PRMT3: variants seen among roughly 807,000 people sequenced by gnomAD.
PRMT3 encodes the protein protein arginine N-methyltransferase 3.
PRMT3 carries 62 observed loss-of-function variants against 71.9 expected under a neutral mutation model. That is an observed-to-expected ratio of 0.86 (90% CI 0.70 to 1.07). PRMT3 has a LOEUF of 1.07. PRMT3 is among the 50% of genes least tolerant of loss of function. The pLI, the probability that PRMT3 is intolerant of heterozygous loss-of-function variation, is 0.00. For missense variants in PRMT3, 663 were observed against 643.0 expected (o/e 1.03, Z -0.34); for synonymous variants, 213 against 220.4 (o/e 0.97, Z 0.30).
In PRMT3 at chr11:20,388,001, G is replaced by GTT. The variant is rs754717133; in HGVS notation, c.29-17_29-16dup. 3.7e-6 allele frequency: 6 copies of GTT among 1,613,374 alleles called. No individual in the cohort carries two copies. Among genetic ancestry groups the GTT allele is most frequent in the South Asian group, 2.2e-5 (2 of 91,066 alleles). Reference sequence around the variant, plus strand: ...ACCGGTGTCCGAGGCCGATCTGATTGTTGTGTGTGTGTGTTAGGCGGCCGG... The same window carrying GTT: ...ACCGGTGTCCGAGGCCGATCTGATTGTTTTGTGTGTGTGTGTTAGGCGGCCGG... On this transcript the variant is annotated splice_polypyrimidine_tract_variant and intron_variant, in intron 1 of 15. Transcript: ENST00000331079.
At chr11:20,389,979 C>A (rs574184781) in intron 3 of PRMT3, among the ~76,000 whole-genome samples, 153 bp downstream of exon 3, 4 of 152,122 alleles carry the variant, frequency 2.6e-5, no homozygotes, top group African/African-American at 7.2e-5. Flanking sequence ...TGCTGAAACC[C>A]CACCTGTACT....
chr11:20,425,106 TA>T (rs35341753), intron 9 of PRMT3, among the ~76,000 whole-genome samples: 7,548 of 136,326 alleles, frequency 0.055, 248 homozygotes, highest in East Asian at 0.2. Context: ...ACCCTGTCTT[TA>T]AAAAAAAAAA....
intron 13 of PRMT3, among the ~76,000 whole-genome samples, chr11:20,476,469 C>T (rs940075844): frequency 3.9e-5 from 6 of 152,126 alleles, no homozygotes; most frequent in Non-Finnish European, 8.8e-5. Context: ...TTTAGAGATA[C>T]ACCAAGCGTG....
At chr11:20,425,979 T>G (rs1849536916) in intron 9 of PRMT3, among the ~76,000 whole-genome samples, 2 of 152,216 alleles carry the variant, frequency 1.3e-5, no homozygotes, top group Non-Finnish European at 2.9e-5. Context: ...GAATTGAGAA[T>G]TTATTAATCA....
chr11:20,392,305 A>C (rs974990313), intron 4 of PRMT3, 45 bp downstream of exon 4: 6 of 1,519,340 alleles, frequency 3.9e-6, no homozygotes, highest in Non-Finnish European at 5.4e-6. Flanking sequence ...AAATCAAAGA[A>C]ATGCTACAGT....
chr11:20,475,304 C>A (rs1850753206), intron 13 of PRMT3, among the ~76,000 whole-genome samples: 1 of 152,148 alleles, frequency 6.6e-6, no homozygotes, highest in Non-Finnish European at 1.5e-5. Context: ...GTGCCGCTCC[C>A]AGTTGGTTCA....
At chr11:20,408,395 TC>T (rs1849120069) in intron 9 of PRMT3, among the ~76,000 whole-genome samples, 1 of 152,050 alleles carries the variant, frequency 6.6e-6, no homozygotes, top group South Asian at 2.1e-4. Flanking sequence ...AGTAATATTT[TC>T]TTTAGCAAAT....
chr11:20,466,883 A>G (rs1433110367), intron 13 of PRMT3, among the ~76,000 whole-genome samples: 6 of 151,588 alleles, frequency 4.0e-5, no homozygotes, highest in Admixed American at 6.5e-5. Flanking sequence ...GTCCCTGTAC[A>G]AAGTTCCATA....
chr11:20,474,899 T>C (rs1311479557), intron 13 of PRMT3, among the ~76,000 whole-genome samples: 4 of 152,246 alleles, frequency 2.6e-5, no homozygotes, highest in Non-Finnish European at 5.9e-5. Flanking sequence ...GAGCCAGACC[T>C]CACAATCTAA....
intron 10 of PRMT3, among the ~76,000 whole-genome samples, chr11:20,445,483 C>T (rs1302422329): frequency 6.6e-6 from 1 of 152,026 alleles, no homozygotes; most frequent in African/African-American, 2.4e-5. Flanking sequence ...CTTTCACCCA[C>T]GTTATTGTAT....
At chr11:20,408,531 A>T (rs1369008812) in intron 9 of PRMT3, among the ~76,000 whole-genome samples, 1 of 152,128 alleles carries the variant, frequency 6.6e-6, no homozygotes, top group Non-Finnish European at 1.5e-5. Context: ...GATTTAGTTT[A>T]TTACCCCCTA....
intron 10 of PRMT3, among the ~76,000 whole-genome samples, chr11:20,427,939 A>G (rs1008711716): frequency 1.3e-5 from 2 of 152,234 alleles, no homozygotes; most frequent in Admixed American, 6.5e-5. Context: ...ATTTTGAATA[A>G]ACATAGTTAT....
intron 8 of PRMT3, chr11:20,405,892 C>T (rs1361620766): frequency 5.3e-5 from 8 of 152,136 alleles, no homozygotes; most frequent in Admixed American, 5.2e-4. Context: ...GTCATGCAGC[C>T]ATCACCACCT....
intron 9 of PRMT3, among the ~76,000 whole-genome samples, chr11:20,421,312 A>G (rs1260326025): frequency 6.6e-6 from 1 of 152,178 alleles, no homozygotes; most frequent in Non-Finnish European, 1.5e-5. Context: ...TGCTGGTATT[A>G]TAAGCATGAG....
intron 7 of PRMT3, among the ~76,000 whole-genome samples, chr11:20,400,513 A>G (rs2133309885): frequency 6.6e-6 from 1 of 152,298 alleles, no homozygotes; most frequent in East Asian, 1.9e-4. Context: ...GTTTTAAGAT[A>G]AACATTATTC....
intron 13 of PRMT3, among the ~76,000 whole-genome samples, chr11:20,467,012 T>C (rs1307704230): frequency 6.6e-6 from 1 of 152,214 alleles, no homozygotes; most frequent in African/African-American, 2.4e-5. Flanking sequence ...GTTTGGAAAT[T>C]AGGTGAGCCT....
chr11:20,409,694 T>A (rs911620483), intron 9 of PRMT3, among the ~76,000 whole-genome samples: 1 of 81,548 alleles, frequency 1.2e-5, no homozygotes. Flanking sequence ...CACACACACG[T>A]TGCATTTGCA....
At chr11:20,489,990 C>T (rs542052757) in intron 13 of PRMT3, among the ~76,000 whole-genome samples, 97 of 149,060 alleles carry the variant, frequency 6.5e-4, no homozygotes, top group Non-Finnish European at 1.2e-3. Flanking sequence ...AACCCTGTCT[C>T]TTTAAGGGGC....
At chr11:20,416,232 A>G (rs974035512) in intron 9 of PRMT3, among the ~76,000 whole-genome samples, 1 of 152,070 alleles carries the variant, frequency 6.6e-6, no homozygotes, top group African/African-American at 2.4e-5. Context: ...ATTCTCCTCT[A>G]TTTTAAATAA....
Sources: gnomAD v4.1 joint callset for allele counts (sites outside exome capture counted in the v4.1 genomes callset) on GRCh38, gnomAD v4.1.1 for gene constraint, MANE v1.5 for transcripts, NCBI Gene and HGNC (gene_info 2026-07-23, HGNC 2026-07-21) for gene names.